The following NRG1 variants were observed in gnomAD, a reference collection of about 807,000 sequenced individuals.
NRG1 encodes the protein neuregulin 1.
A neutral mutation model predicts 63.8 loss-of-function variants in NRG1; 18 were observed. The ratio of observed to expected loss-of-function variants is 0.28; its 90% CI spans 0.19 to 0.42. NRG1 has a LOEUF of 0.42. Ranked by LOEUF, NRG1 falls within the 10% of genes least tolerant of loss-of-function variation. The pLI, the probability that NRG1 is intolerant of heterozygous loss-of-function variation, is 1.00. For missense variants in NRG1, 762 were observed against 814.7 expected (o/e 0.94, Z 0.79); for synonymous variants, 302 against 301.3 (o/e 1.00, Z -0.02).
intron 1 of NRG1, among the ~76,000 whole-genome samples, chr8:31,702,718 G>A (rs1810750574): frequency 6.6e-6 from 1 of 152,092 alleles, no homozygotes; most frequent in Admixed American, 6.6e-5. Flanking sequence ...AAAGGTGGAT[G>A]TAACTTCTTA....
intron 1 of NRG1, among the ~76,000 whole-genome samples, chr8:31,642,395 G>C (rs564076893): frequency 6.6e-6 from 1 of 152,312 alleles, no homozygotes; most frequent in East Asian, 1.9e-4. Context: ...AGTTAGCTGT[G>C]ATGCCTAGGA....
At chr8:32,353,589 G>T (rs926311545) in intron 1 of NRG1, among the ~76,000 whole-genome samples, 6 of 152,148 alleles carry the variant, frequency 3.9e-5, no homozygotes, top group African/African-American at 1.4e-4. Context: ...CTGGTGTTTA[G>T]AGAAATGCAA....
intron 1 of NRG1, among the ~76,000 whole-genome samples, chr8:32,308,211 C>T (rs1412879012): frequency 1.3e-5 from 2 of 152,156 alleles, no homozygotes; most frequent in African/African-American, 4.8e-5. Flanking sequence ...AACATCAATA[C>T]ATTTAGAATC....
intron 1 of NRG1, among the ~76,000 whole-genome samples, chr8:31,950,293 A>G (rs145956774): frequency 1.5e-3 from 223 of 152,364 alleles, no homozygotes; most frequent in African/African-American, 5.2e-3. Flanking sequence ...GTTTGAAGCT[A>G]TCTTTTAAAA....
intron 1 of NRG1, among the ~76,000 whole-genome samples, chr8:32,316,216 G>A (rs779707841): frequency 9.2e-5 from 14 of 152,166 alleles, no homozygotes; most frequent in Non-Finnish European, 2.1e-4. Context: ...GGTGGCTCAC[G>A]CCTGTAATCC....
intron 1 of NRG1, among the ~76,000 whole-genome samples, chr8:32,155,270 T>G (rs1273126741): frequency 6.6e-6 from 1 of 152,308 alleles, no homozygotes; most frequent in Non-Finnish European, 1.5e-5. Flanking sequence ...TTATTAATAC[T>G]CTTGCTCCAC....
chr8:32,078,991 C>A (rs1827024712), intron 1 of NRG1, among the ~76,000 whole-genome samples: 1 of 152,132 alleles, frequency 6.6e-6, no homozygotes, highest in African/African-American at 2.4e-5. Flanking sequence ...CTATGTCAAC[C>A]ATTTCTGAAA....
At chr8:32,693,854 ATGTT>A (rs1426091800) in intron 5 of NRG1, among the ~76,000 whole-genome samples, 1 of 152,194 alleles carries the variant, frequency 6.6e-6, no homozygotes, top group East Asian at 1.9e-4. Flanking sequence ...GTTCCTACAT[ATGTT>A]TGTTAGGAGT....
At chr8:32,070,029 C>T (rs894963215) in intron 1 of NRG1, among the ~76,000 whole-genome samples, 5 of 152,256 alleles carry the variant, frequency 3.3e-5, no homozygotes, top group African/African-American at 1.2e-4. Flanking sequence ...TGAATCTACT[C>T]AAATAGTATC....
intron 5 of NRG1, among the ~76,000 whole-genome samples, chr8:32,644,681 A>G (rs1022407786): frequency 1.3e-5 from 2 of 152,120 alleles, no homozygotes; most frequent in African/African-American, 4.8e-5. Flanking sequence ...GGGAAAGAGT[A>G]CTTGTGGCAG....
intron 7 of NRG1, chr8:32,751,212 G>C (rs1415194290): frequency 6.6e-6 from 1 of 152,216 alleles, no homozygotes; most frequent in Admixed American, 6.5e-5. Context: ...TACTAAACCA[G>C]AACATTGCAT....
At chr8:32,423,732 CAG>C (rs1816985604) in intron 1 of NRG1, among the ~76,000 whole-genome samples, 1 of 152,212 alleles carries the variant, frequency 6.6e-6, no homozygotes, top group Admixed American at 6.5e-5. Flanking sequence ...CACATACACA[CAG>C]ACACACACAA....
At chr8:32,419,181 C>T (rs1431292196) in intron 1 of NRG1, among the ~76,000 whole-genome samples, 1 of 152,168 alleles carries the variant, frequency 6.6e-6, no homozygotes, top group Non-Finnish European at 1.5e-5. Context: ...TGGAATTAAG[C>T]ATTGGCCTTG....
chr8:32,400,484 C>T (rs192776203), intron 1 of NRG1, among the ~76,000 whole-genome samples: 3 of 152,280 alleles, frequency 2.0e-5, no homozygotes, highest in East Asian at 1.9e-4. Context: ...ACTGGGCAAA[C>T]GACACGAACA....
At chr8:32,648,417 T>G in intron 5 of NRG1, 2 of 1,601,606 alleles carry the variant, frequency 1.2e-6, no homozygotes, top group Non-Finnish European at 8.5e-7. Flanking sequence ...ACGATGATGA[T>G]GATGAATAAA....
chr8:32,153,435 G>A (rs1419798674), intron 1 of NRG1, among the ~76,000 whole-genome samples: 1 of 152,108 alleles, frequency 6.6e-6, no homozygotes, highest in Non-Finnish European at 1.5e-5. Context: ...AAGAATGAGG[G>A]AAAATGGAGT....
intron 5 of NRG1, among the ~76,000 whole-genome samples, chr8:32,681,829 A>T (rs1227419427): frequency 6.6e-6 from 1 of 152,204 alleles, no homozygotes. Context: ...ATTAAGGTCC[A>T]TTACACAGAT....
intron 5 of NRG1, chr8:32,647,239 C>G (rs1037693538): frequency 4.1e-6 from 4 of 983,402 alleles, no homozygotes; most frequent in Non-Finnish European, 4.8e-6. Flanking sequence ...CTCCTGCCGC[C>G]GCTGCTGCTG....
At chr8:32,032,207 G>A (rs118129598) in intron 1 of NRG1, among the ~76,000 whole-genome samples, 2,063 of 151,806 alleles carry the variant, frequency 0.014, 14 homozygotes, top group Middle Eastern at 0.037. Flanking sequence ...GATCAGTGAG[G>A]TTGAACTTTT....
Sources: allele counts gnomAD v4.1 joint callset (sites outside exome capture counted in the v4.1 genomes callset), GRCh38; gene constraint gnomAD v4.1.1; transcripts MANE v1.5; gene names NCBI Gene and HGNC (gene_info 2026-07-23, HGNC 2026-07-21).